The following ATRNL1 variants were observed in gnomAD, a reference collection of about 807,000 sequenced individuals.
ATRNL1 encodes the protein attractin-like protein 1.
In ATRNL1, 95 loss-of-function variants were observed where a neutral mutation model predicts 182.7. The observed-to-expected ratio is 0.52, with a 90% CI of 0.44 to 0.62. The LOEUF (loss-of-function observed/expected upper bound fraction) is 0.62, where lower values mean the gene tolerates loss of function less well. ATRNL1 is among the 20% of genes least tolerant of loss of function. ATRNL1 has a pLI of 0.00. For synonymous variants in ATRNL1, 576 were observed against 568.3 expected (o/e 1.01, Z -0.19); for missense variants, 1,471 against 1,679.5 (o/e 0.88, Z 2.17).
chr10:115,347,475 C>T (rs142956433), intron 19 of ATRNL1, among the ~76,000 whole-genome samples: 1 of 152,058 alleles, frequency 6.6e-6, no homozygotes, highest in East Asian at 1.9e-4. Flanking sequence ...GGAAAGTAAA[C>T]ATTTATTACT....
chr10:115,649,813 A>G lies in ATRNL1; in HGVS notation c.3796-77435A>G, dbSNP rs118162671. Among the ~76,000 whole-genome samples the G allele has an allele frequency of 2.4e-4, 37 of 152,264 alleles. No homozygotes were observed. The East Asian group carries it at 6.4e-3, about 26-fold the overall frequency. ...TCAAATTTAAAATTTGTGCAGATTA[A>G]CCACCATTTAGGAAGCAGTTAAGTG... On this transcript the variant is annotated intron_variant, in intron 26 of 28. Transcript: ENST00000355044.
intron 18 of ATRNL1, among the ~76,000 whole-genome samples, chr10:115,320,912 C>CTG (rs139746626): frequency 0.014 from 2,116 of 152,234 alleles, 43 homozygotes; most frequent in African/African-American, 0.048. Flanking sequence ...TGCGCCCTTG[C>CTG]TGGAGAGATG....
At position 115,318,344 on chromosome 10, in the gene ATRNL1, A is replaced by G. The variant is rs552541135; in HGVS notation, c.3037+2608A>G. ...ATATTCATCAGGGAAACGGGCCAGA[A>G]TTTTCTTTTTTTGTTGTGTCTCTTC... On this transcript the variant is annotated intron_variant, in intron 18 of 28. Transcript: ENST00000355044. 6.6e-5 allele frequency among the ~76,000 whole-genome samples: 10 copies of G among 152,086 alleles called. No homozygotes were observed. In the South Asian group the frequency reaches 2.1e-3, roughly 32 times the overall value.
intron 24 of ATRNL1, among the ~76,000 whole-genome samples, chr10:115,510,046 A>C (rs1316668328): frequency 2.0e-5 from 3 of 152,072 alleles, no homozygotes; most frequent in Non-Finnish European, 4.4e-5. Context: ...TAGAGATAGC[A>C]TGAGTAATAT....
At chr10:115,426,113 T>G in intron 20 of ATRNL1, 137 bp from the exon 21 acceptor site, 1 of 572,162 alleles carries the variant, frequency 1.7e-6, no homozygotes, top group Non-Finnish European at 3.0e-6. Context: ...TTCAAAGATG[T>G]GTTTTTGAAA....
At chr10:115,632,056 G>A (rs565019510) in intron 26 of ATRNL1, among the ~76,000 whole-genome samples, 7 of 152,116 alleles carry the variant, frequency 4.6e-5, no homozygotes, top group Non-Finnish European at 7.4e-5. Context: ...ATGGGTTTTA[G>A]TTATGCATCC....
intron 28 of ATRNL1, among the ~76,000 whole-genome samples, chr10:115,892,744 A>G (rs1213031636): frequency 6.6e-6 from 1 of 152,228 alleles, no homozygotes; most frequent in Non-Finnish European, 1.5e-5. Context: ...TACTCTAGAT[A>G]TAGAAAATTC....
chr10:115,129,340 C>G lies in ATRNL1; in HGVS notation c.634C>G (p.Pro212Ala). The change falls in exon 5 of 29, where the codon CCT becomes GCT. Residue 212 changes from proline to alanine, a missense_variant. Pro to Ala is a conservative substitution (Grantham distance 27). Transcript: ENST00000355044. Reference sequence around the variant, plus strand: ...TATATTTTACAGAATCAATTCTTGTCCTAACAATTGCTCTGGTCATGGGAA... The same window carrying G: ...TATATTTTACAGAATCAATTCTTGTGCTAACAATTGCTCTGGTCATGGGAA... ...FNIFYSINSC[P>A]NNCSGHGKCT... 1 of 1,611,798 alleles carries G rather than the reference C, an allele frequency of 6.2e-7. No homozygotes were observed. Among genetic ancestry groups the G allele is most frequent in the Non-Finnish European group, 8.5e-7 (1 of 1,178,106 alleles).
At chr10:115,356,034 G>A (rs782573856) in intron 19 of ATRNL1, among the ~76,000 whole-genome samples, 3 of 152,000 alleles carry the variant, frequency 2.0e-5, no homozygotes, top group East Asian at 3.9e-4. Context: ...TTTTACAGAC[G>A]TGTTTAATAC....
chr10:115,792,557 G>A (rs1949554035), intron 27 of ATRNL1, among the ~76,000 whole-genome samples: 1 of 151,950 alleles, frequency 6.6e-6, no homozygotes, highest in Admixed American at 6.6e-5. Flanking sequence ...TTCTTTTGTA[G>A]CATTTTATCA....
chr10:115,487,550 G>A (rs113727360), intron 24 of ATRNL1, among the ~76,000 whole-genome samples: 12 of 152,180 alleles, frequency 7.9e-5, no homozygotes, highest in African/African-American at 2.9e-4. Flanking sequence ...TGGTGTATAG[G>A]AATGCTTATG....
At chr10:115,752,947 G>A (rs1361093253) in intron 27 of ATRNL1, among the ~76,000 whole-genome samples, 3 of 151,960 alleles carry the variant, frequency 2.0e-5, no homozygotes, top group Admixed American at 6.6e-5. Flanking sequence ...ACTGTTCTGC[G>A]TGAGTTTGGT....
At chr10:115,228,344 T>A (rs1354734030) in intron 9 of ATRNL1, among the ~76,000 whole-genome samples, 1 of 152,174 alleles carries the variant, frequency 6.6e-6, no homozygotes, top group Non-Finnish European at 1.5e-5. Flanking sequence ...ATTCCTTTTA[T>A]GTTTTTGGTA....
At chr10:115,721,140 C>A (rs2134043805) in intron 26 of ATRNL1, among the ~76,000 whole-genome samples, 1 of 152,212 alleles carries the variant, frequency 6.6e-6, no homozygotes. Flanking sequence ...CCTAGAGGTT[C>A]TGTGAGGTTC....
At chr10:115,930,904 C>A (rs74160725) in intron 28 of ATRNL1, among the ~76,000 whole-genome samples, 5,516 of 152,084 alleles carry the variant, frequency 0.036, 272 homozygotes, top group African/African-American at 0.11. Context: ...CTTGAACAAA[C>A]AAAGAAAAAC....
In ATRNL1 at chr10:115,590,517, A is replaced by G. The variant is rs151126821; in HGVS notation, c.3795+40981A>G. Among the ~76,000 whole-genome samples the G allele has an allele frequency of 4.2e-3, 633 of 152,298 alleles. 3 individuals are homozygous for G. The highest frequency in any genetic ancestry group is 0.015 in the African/African-American group (611 of 41,578). On this transcript the variant is annotated intron_variant, in intron 26 of 28. Coordinates refer to ENST00000355044, the MANE Select transcript of ATRNL1 (RefSeq NM_207303.4). The stretch of plus-strand genomic sequence containing the variant: ...AGAAAATATACTAATACTGTGGAGT[A>G]GAGGAAGGGAAGAGGAATATTTATG...
At chr10:115,702,964 G>A (rs952587306) in intron 26 of ATRNL1, among the ~76,000 whole-genome samples, 2 of 151,738 alleles carry the variant, frequency 1.3e-5, no homozygotes, top group Admixed American at 6.6e-5. Flanking sequence ...AGCCCAAATA[G>A]GCAAGGCAAT....
At chr10:115,450,087 T>G (rs539875548) in intron 21 of ATRNL1, among the ~76,000 whole-genome samples, 4 of 151,980 alleles carry the variant, frequency 2.6e-5, no homozygotes, top group Non-Finnish European at 4.4e-5. Flanking sequence ...AGAAAAGGCT[T>G]TCTATAATTA....
intron 15 of ATRNL1, among the ~76,000 whole-genome samples, chr10:115,290,189 G>A (rs1055951557): frequency 3.3e-5 from 5 of 151,720 alleles, no homozygotes; most frequent in African/African-American, 1.2e-4. Flanking sequence ...GTATAGAAGT[G>A]CTACCGACTT....
Sources: allele counts gnomAD v4.1 joint callset (sites outside exome capture counted in the v4.1 genomes callset), GRCh38; gene constraint gnomAD v4.1.1; transcripts MANE v1.5; gene names NCBI Gene and HGNC (gene_info 2026-07-23, HGNC 2026-07-21).